COBL: variants seen among roughly 807,000 people sequenced by gnomAD.
COBL encodes the protein protein cordon-bleu.
Under a neutral mutation model 98.8 loss-of-function variants are expected in COBL, and 51 were observed. The ratio of observed to expected loss-of-function variants is 0.52; its 90% CI spans 0.41 to 0.65. The LOEUF (loss-of-function observed/expected upper bound fraction) is 0.65, where lower values mean the gene tolerates loss of function less well. Among genes scored for constraint, COBL ranks in the 30% least tolerant of loss-of-function variants. The pLI, the probability that COBL is intolerant of heterozygous loss-of-function variation, is 0.00. For missense variants in COBL, 1,617 were observed against 1,617.5 expected, an observed-to-expected ratio of 1.00 and a Z score of 0.01; for synonymous variants, 634 against 651.7, an observed-to-expected ratio of 0.97 and a Z score of 0.41.
chr7:51,224,625 G>A (rs935439955), intron 1 of COBL, among the ~76,000 whole-genome samples: 13 of 151,960 alleles, frequency 8.6e-5, no homozygotes, highest in African/African-American at 1.7e-4. Context: ...CAGCATGCCC[G>A]GGCTAGGGAC....
chr7:51,066,483 C>T (rs571076421), intron 7 of COBL, among the ~76,000 whole-genome samples: 1 of 152,206 alleles, frequency 6.6e-6, no homozygotes, highest in Non-Finnish European at 1.5e-5. Flanking sequence ...TGGGACCAGA[C>T]TGGCAAGGTT....
At chr7:51,258,627 A>T (rs1255668665) in intron 1 of COBL, among the ~76,000 whole-genome samples, 1 of 152,198 alleles carries the variant, frequency 6.6e-6, no homozygotes, top group Admixed American at 6.5e-5. Flanking sequence ...CTTGATAAAA[A>T]TTCCCCAAAA....
chr7:51,316,382 G>A (rs1360487811), intron 1 of COBL: 4 of 339,604 alleles, frequency 1.2e-5, no homozygotes, highest in Admixed American at 9.9e-5. Flanking sequence ...CGGTTACCTG[G>A]GCAACGACCC....
chr7:51,117,884 A>G (rs1452143158), intron 6 of COBL, among the ~76,000 whole-genome samples: 1 of 152,178 alleles, frequency 6.6e-6, no homozygotes, highest in Non-Finnish European at 1.5e-5. Context: ...AGCTGACTGG[A>G]TTCACTTTAA....
intron 1 of COBL, among the ~76,000 whole-genome samples, chr7:51,281,796 A>G (rs984982513): frequency 6.6e-6 from 1 of 152,202 alleles, no homozygotes; most frequent in Admixed American, 6.5e-5. Flanking sequence ...TAAGTTCTTC[A>G]GATAGAATAG....
At chr7:51,315,690 G>A (rs986309027) in intron 1 of COBL, among the ~76,000 whole-genome samples, 14 of 152,242 alleles carry the variant, frequency 9.2e-5, no homozygotes, top group South Asian at 2.1e-4. Context: ...GCGCTACCCC[G>A]CGGCCCAGCC....
intron 7 of COBL, among the ~76,000 whole-genome samples, chr7:51,059,693 G>A (rs548319604): frequency 2.6e-5 from 4 of 152,196 alleles, no homozygotes; most frequent in South Asian, 2.1e-4. Flanking sequence ...AAATGAGTCC[G>A]AGCCAGGCAG....
chr7:51,190,378 C>G (rs113959944), intron 4 of COBL, among the ~76,000 whole-genome samples: 2,670 of 152,016 alleles, frequency 0.018, 66 homozygotes, highest in African/African-American at 0.061. Flanking sequence ...CCACGTCTGG[C>G]TAATTTTAAA....
At chr7:51,061,762 G>A (rs1791382380) in intron 7 of COBL, among the ~76,000 whole-genome samples, 1 of 152,144 alleles carries the variant, frequency 6.6e-6, no homozygotes, top group African/African-American at 2.4e-5. Context: ...CTGTGTTTGA[G>A]CTGGGACACC....
rs546162515 is a variant in COBL, at chr7:51,238,014, A to G, written c.42-18070T>C. On this transcript the variant is annotated intron_variant, in intron 1 of 12. Coordinates refer to ENST00000265136, the MANE Select transcript of COBL (RefSeq NM_015198.5). ...CTCCAGGGCATGCCCCTCAGGTACC[A>G]AAGGGGAACGAAGAAGGAAAAGGAA... 3.3e-5 allele frequency among the ~76,000 whole-genome samples: 5 copies of G among 152,172 alleles called. No individual in the cohort carries two copies. The South Asian group carries it at 6.2e-4, about 19-fold the overall frequency.
chr7:51,236,155 G>A (rs1001749048), intron 1 of COBL, among the ~76,000 whole-genome samples: 5 of 152,148 alleles, frequency 3.3e-5, no homozygotes, highest in Admixed American at 1.3e-4. Context: ...AGCCAGGAAC[G>A]GTCATCCCAC....
chr7:51,287,339 G>T (rs1193192483), intron 1 of COBL, among the ~76,000 whole-genome samples: 2 of 152,146 alleles, frequency 1.3e-5, no homozygotes, highest in African/African-American at 4.8e-5. Context: ...ACAGGCAAAA[G>T]ATTTCCCCCA....
intron 5 of COBL, among the ~76,000 whole-genome samples, chr7:51,150,653 A>G (rs1785470674): frequency 2.0e-5 from 3 of 152,182 alleles, no homozygotes; most frequent in Admixed American, 2.0e-4. Flanking sequence ...GCCTACAGCA[A>G]TGAGACCAGG....
At chr7:51,044,961 A>G (rs1018017465) in intron 7 of COBL, among the ~76,000 whole-genome samples, 1 of 152,266 alleles carries the variant, frequency 6.6e-6, no homozygotes, top group Non-Finnish European at 1.5e-5. Flanking sequence ...GGTAAAGAAT[A>G]GAACGAAAAA....
chr7:51,280,795 C>T (rs1374075205), intron 1 of COBL, among the ~76,000 whole-genome samples: 2 of 152,172 alleles, frequency 1.3e-5, no homozygotes, highest in African/African-American at 4.8e-5. Context: ...CCACCGGTAG[C>T]AGAAACATGA....
chr7:51,053,188 TCTA>T (rs1272078018), intron 7 of COBL, among the ~76,000 whole-genome samples: 1 of 152,220 alleles, frequency 6.6e-6, no homozygotes, highest in Non-Finnish European at 1.5e-5. Context: ...TATTCCTTTT[TCTA>T]GACTTTTCTA....
chr7:51,058,248 T>C (rs1380753561), intron 7 of COBL, among the ~76,000 whole-genome samples: 2 of 152,134 alleles, frequency 1.3e-5, no homozygotes, highest in Non-Finnish European at 2.9e-5. Flanking sequence ...TCTCCATCTT[T>C]TGTGTCAATT....
chr7:51,158,757 T>C (rs185016133), intron 5 of COBL, among the ~76,000 whole-genome samples: 1 of 152,180 alleles, frequency 6.6e-6, no homozygotes, highest in African/African-American at 2.4e-5. Flanking sequence ...AAATGAAATC[T>C]GTAACATCAA....
At chr7:51,175,059 T>C (rs1190476590) in intron 5 of COBL, among the ~76,000 whole-genome samples, 3 of 152,192 alleles carry the variant, frequency 2.0e-5, no homozygotes, top group Non-Finnish European at 4.4e-5. Context: ...GACCACCCTA[T>C]GATTTTCACC....
Sources: allele counts gnomAD v4.1 joint callset (sites outside exome capture counted in the v4.1 genomes callset), GRCh38; gene constraint gnomAD v4.1.1; transcripts MANE v1.5; gene names NCBI Gene and HGNC (gene_info 2026-07-23, HGNC 2026-07-21).